VSNL1: variants seen among roughly 807,000 people sequenced by gnomAD.
The protein encoded by VSNL1 is visinin like 1, also known as visinin-like protein 1.
Under a neutral mutation model 20.4 loss-of-function variants are expected in VSNL1, and 6 were observed. The observed-to-expected ratio is 0.29, with a 90% CI of 0.16 to 0.58. The LOEUF (loss-of-function observed/expected upper bound fraction) is 0.58, where lower values mean the gene tolerates loss of function less well. Ranked by LOEUF, VSNL1 falls within the 20% of genes least tolerant of loss-of-function variation. The pLI is 0.90. For synonymous variants in VSNL1, 93 were observed against 86.4 expected (o/e 1.08, Z -0.42); for missense variants, 100 against 234.5 (o/e 0.43, Z 3.75).
At chr2:17,584,821 A>AG (rs532941207) in intron 1 of VSNL1, among the ~76,000 whole-genome samples, 17 of 151,856 alleles carry the variant, frequency 1.1e-4, no homozygotes, top group Non-Finnish European at 2.1e-4. Context: ...CTTGGTAGCT[A>AG]GGGCATGGCT....
chr2:17,592,901 T>C (rs1258927001), intron 2 of VSNL1, among the ~76,000 whole-genome samples: 1 of 152,124 alleles, frequency 6.6e-6, no homozygotes, highest in Non-Finnish European at 1.5e-5. Flanking sequence ...TGTTTTGGCT[T>C]GTCTGAGTCT....
chr2:17,612,436 G>T (rs1191880536), intron 2 of VSNL1, among the ~76,000 whole-genome samples: 1 of 152,220 alleles, frequency 6.6e-6, no homozygotes, highest in Admixed American at 6.5e-5. Flanking sequence ...GGGATGCTGG[G>T]TAATGGTTCT....
At chr2:17,642,770 T>C (rs887297208) in intron 2 of VSNL1, among the ~76,000 whole-genome samples, 8 of 152,214 alleles carry the variant, frequency 5.3e-5, no homozygotes, top group South Asian at 2.1e-4. Flanking sequence ...TAAGTGAAAA[T>C]TGCTTATCTT....
chr2:17,614,361 G>A (rs1276324938), intron 2 of VSNL1, among the ~76,000 whole-genome samples: 1 of 152,224 alleles, frequency 6.6e-6, no homozygotes, highest in Non-Finnish European at 1.5e-5. Context: ...GAACTTCCAA[G>A]CCCTTAGCAC....
At chr2:17,595,331 C>A (rs1015545579) in intron 2 of VSNL1, among the ~76,000 whole-genome samples, 1 of 152,182 alleles carries the variant, frequency 6.6e-6, no homozygotes, top group African/African-American at 2.4e-5. Context: ...GACAGTCCTG[C>A]CTGCCCTCCC....
intron 2 of VSNL1, among the ~76,000 whole-genome samples, chr2:17,623,983 T>G (rs1285248013): frequency 2.0e-5 from 3 of 152,198 alleles, no homozygotes; most frequent in Non-Finnish European, 4.4e-5. Flanking sequence ...AGCTACAACT[T>G]AAGGTAGTGT....
intron 1 of VSNL1, among the ~76,000 whole-genome samples, chr2:17,581,070 T>C (rs1254673896): frequency 2.0e-5 from 3 of 152,230 alleles, no homozygotes; most frequent in Non-Finnish European, 4.4e-5. Flanking sequence ...ACTTACTGTT[T>C]TGTGACCTGC....
chr2:17,637,261 T>C (rs1665774213), intron 2 of VSNL1, among the ~76,000 whole-genome samples: 1 of 152,178 alleles, frequency 6.6e-6, no homozygotes, highest in African/African-American at 2.4e-5. Flanking sequence ...GAGATAAATA[T>C]GGAAATGTGC....
chr2:17,621,372 G>C (rs961398155), intron 2 of VSNL1, among the ~76,000 whole-genome samples: 1 of 149,938 alleles, frequency 6.7e-6, no homozygotes, highest in African/African-American at 2.5e-5. Flanking sequence ...ACCCAGACTA[G>C]AGTGCAATGA....
chr2:17,550,335 T>G (rs951630776), intron 1 of VSNL1, among the ~76,000 whole-genome samples: 8 of 152,140 alleles, frequency 5.3e-5, no homozygotes, highest in Admixed American at 2.0e-4. Flanking sequence ...GATTTTGAAG[T>G]AAAATAATCT....
chr2:17,561,488 T>A (rs1219525410), intron 1 of VSNL1, among the ~76,000 whole-genome samples: 2 of 152,154 alleles, frequency 1.3e-5, no homozygotes, highest in African/African-American at 4.8e-5. Context: ...GGTTCCAGAT[T>A]GTGATGAATC....
intron 2 of VSNL1, among the ~76,000 whole-genome samples, chr2:17,612,530 CT>C (rs1164541456): frequency 6.6e-6 from 1 of 152,196 alleles, no homozygotes; most frequent in Non-Finnish European, 1.5e-5. Flanking sequence ...AGAGATGAAC[CT>C]GCAGTCAATG....
chr2:17,622,217 A>G (rs1665375915), intron 2 of VSNL1, among the ~76,000 whole-genome samples: 1 of 151,860 alleles, frequency 6.6e-6, no homozygotes, highest in Non-Finnish European at 1.5e-5. Flanking sequence ...TATCTCAAAA[A>G]AAAAAAAAAA....
chr2:17,649,724 G>C lies in VSNL1; in HGVS notation c.378+99G>C. 3.5e-6 allele frequency: 4 copies of C among 1,137,304 alleles called. No homozygotes were observed. Among genetic ancestry groups the C allele is most frequent in the East Asian group, 4.9e-5 (2 of 40,710 alleles). The allele number at this position is 1,137,304 out of a possible 1,614,324, so 70.5% of individuals were successfully genotyped here. On this transcript the variant is annotated intron_variant, in intron 3 of 3. Transcript: ENST00000295156. This position sits in a 1 kb window ranked among gnomAD's most constrained non-coding sequence, Gnocchi z 6.4. ...TTAGTGGCTTCTTCTCTCTCTGCTC[G>C]AGCCCTGCCAGCTGCACACCACGCC... is the stretch of plus-strand genomic sequence containing the variant.
intron 1 of VSNL1, among the ~76,000 whole-genome samples, chr2:17,559,467 C>T (rs1403290823): frequency 1.3e-5 from 2 of 150,662 alleles, no homozygotes; most frequent in Non-Finnish European, 3.0e-5. Context: ...TCAACTATGT[C>T]TTTTACAAAA....
At chr2:17,577,144 T>A (rs956855463) in intron 1 of VSNL1, among the ~76,000 whole-genome samples, 9 of 152,220 alleles carry the variant, frequency 5.9e-5, no homozygotes, top group Non-Finnish European at 1.2e-4. Context: ...AAATGTACAG[T>A]AAAAATATAT....
chr2:17,548,437 A>G (rs1189634281), intron 1 of VSNL1, among the ~76,000 whole-genome samples: 2 of 152,154 alleles, frequency 1.3e-5, no homozygotes, highest in Non-Finnish European at 2.9e-5. Flanking sequence ...GTATAATAGG[A>G]CAACTCCTGG....
intron 1 of VSNL1, among the ~76,000 whole-genome samples, chr2:17,546,460 G>T (rs981557592): frequency 6.6e-6 from 1 of 151,674 alleles, no homozygotes; most frequent in East Asian, 1.9e-4. Flanking sequence ...TGAAACCTGG[G>T]TGAATTTTTT....
At chr2:17,589,168 G>A (rs1407811257) in intron 1 of VSNL1, among the ~76,000 whole-genome samples, 5 of 152,148 alleles carry the variant, frequency 3.3e-5, no homozygotes, top group African/African-American at 4.8e-5. Context: ...AAAATGGGGG[G>A]AAGTCATTCT....
Sources: allele counts gnomAD v4.1 joint callset (sites outside exome capture counted in the v4.1 genomes callset), GRCh38; gene constraint gnomAD v4.1.1; non-coding constraint Gnocchi (gnomAD v3.1); transcripts MANE v1.5; gene names NCBI Gene and HGNC (gene_info 2026-07-23, HGNC 2026-07-21).